Variants in TPO observed in about 807,000 individuals in gnomAD.
TPO encodes the protein thyroid microsomal antigen.
Under a neutral mutation model 96.9 loss-of-function variants are expected in TPO, and 78 were observed. The observed-to-expected ratio is 0.81, with a 90% CI of 0.67 to 0.97. The LOEUF (loss-of-function observed/expected upper bound fraction) is 0.97, where lower values mean the gene tolerates loss of function less well. TPO is among the 50% of genes least tolerant of loss of function. The pLI is 0.00. For missense variants in TPO, 1,252 were observed against 1,274.8 expected (o/e 0.98, Z 0.27); for synonymous variants, 547 against 538.0 (o/e 1.02, Z -0.23).
intron 7 of TPO, 34 bp from the exon 8 acceptor site, chr2:1,477,052 C>G: frequency 6.3e-7 from 1 of 1,590,712 alleles, no homozygotes; most frequent in Non-Finnish European, 8.5e-7. Flanking sequence ...TGCACGGGGG[C>G]CCTGGGTGAC....
intron 1 of TPO, among the ~76,000 whole-genome samples, chr2:1,387,272 G>A (rs2148352264): frequency 6.6e-6 from 1 of 152,142 alleles, no homozygotes; most frequent in Non-Finnish European, 1.5e-5. Context: ...TGCTAGGTTG[G>A]GGATGTTCTC....
At position 1,424,604 on chromosome 2, in the gene TPO, G is replaced by A. The variant is rs563292899; in HGVS notation, c.179+1475G>A. Reference sequence around the variant, plus strand: ...ATGCATTAGAGTGAGGGAAGACCAGGAGAGGCATCAACTGGGGAGACTATT... The same window carrying A: ...ATGCATTAGAGTGAGGGAAGACCAGAAGAGGCATCAACTGGGGAGACTATT... On this transcript the variant is annotated intron_variant, in intron 3 of 16. Coordinates refer to ENST00000329066, the MANE Select transcript of TPO (RefSeq NM_001206744.2). Among the ~76,000 whole-genome samples the A allele has an allele frequency of 2.0e-5, 3 of 152,318 alleles. No individual in the cohort carries two copies. In the South Asian group the frequency reaches 6.2e-4, roughly 32 times the overall value.
At chr2:1,511,603 G>A (rs1440251515) in intron 14 of TPO, among the ~76,000 whole-genome samples, 2 of 152,310 alleles carry the variant, frequency 1.3e-5, no homozygotes, top group East Asian at 1.9e-4. Context: ...GGGAGGGCAC[G>A]GTTGGCTCCC....
chr2:1,456,597 C>T (rs11694817), intron 7 of TPO, among the ~76,000 whole-genome samples: 4 of 28,398 alleles, frequency 1.4e-4, no homozygotes, highest in East Asian at 2.2e-3. Context: ...ATATAGCATG[C>T]ATGATAGTGT....
intron 15 of TPO, among the ~76,000 whole-genome samples, chr2:1,520,776 A>G (rs1170671470): frequency 6.6e-6 from 1 of 152,154 alleles, no homozygotes; most frequent in African/African-American, 2.4e-5. Flanking sequence ...CATTCCTCAA[A>G]TCAGTTCTTT....
chr2:1,442,941 T>C (rs913358196), intron 5 of TPO, among the ~76,000 whole-genome samples: 1 of 152,186 alleles, frequency 6.6e-6, no homozygotes, highest in African/African-American at 2.4e-5. Context: ...CTTTGAAAAA[T>C]TGCATTATTT....
intron 9 of TPO, 60 bp from the exon 10 acceptor site, chr2:1,487,760 AT>A (rs1671311866): frequency 6.2e-7 from 1 of 1,601,178 alleles, no homozygotes; most frequent in African/African-American, 1.3e-5. Context: ...AAATTGAGAT[AT>A]TGTTGTTTCT....
chr2:1,541,347 T>C (rs1213812741), intron 16 of TPO: 1 of 291,450 alleles, frequency 3.4e-6, no homozygotes, highest in African/African-American at 2.3e-5. Flanking sequence ...TGTTTCAAAA[T>C]TGCTAAAACA....
At chr2:1,374,712 T>C (rs376939378) in intron 1 of TPO, among the ~76,000 whole-genome samples, 40 of 146,610 alleles carry the variant, frequency 2.7e-4, no homozygotes, top group African/African-American at 9.8e-4. Flanking sequence ...AGAAATCTTT[T>C]CTTTCTTTCT....
Position 1,414,421 on chromosome 2 carries a change from G to A in TPO, c.13G>A (p.Ala5Thr), listed in dbSNP as rs369441749. Residue 5 changes from alanine to threonine, a missense_variant, in exon 2 of 17, where the codon GCT (alanine) becomes ACT (threonine). By Grantham distance (58) the Ala-to-Thr change is moderately conservative. Coordinates refer to ENST00000329066, the MANE Select transcript of TPO (RefSeq NM_001206744.2). MRAL[A>T]VLSVTLVMAC... ...CGTTAATTTTAGAATGAGAGCGCTC[G>A]CTGTGCTGTCTGTCACGCTGGTTAT... The A allele has an allele frequency of 1.7e-5, 27 of 1,613,708 alleles. No individual in the cohort carries two copies. The highest frequency in any genetic ancestry group is 2.1e-5 in the Non-Finnish European group (25 of 1,179,934).
intron 9 of TPO, among the ~76,000 whole-genome samples, chr2:1,485,913 C>T (rs563532530): frequency 3.9e-5 from 6 of 152,290 alleles, no homozygotes; most frequent in Admixed American, 6.5e-5. Context: ...AATTAGATCT[C>T]ATTTGTCAAT....
intron 1 of TPO, among the ~76,000 whole-genome samples, chr2:1,374,618 T>A (rs1256595146): frequency 1.3e-5 from 2 of 152,216 alleles, no homozygotes; most frequent in Admixed American, 6.5e-5. Flanking sequence ...CTGACAAAAT[T>A]TGAAACCATT....
chr2:1,486,397 G>C (rs1011093619), intron 9 of TPO, among the ~76,000 whole-genome samples: 1 of 152,024 alleles, frequency 6.6e-6, no homozygotes, highest in African/African-American at 2.4e-5. Context: ...CATTAGCCGT[G>C]TGTGGTGGCA....
At chr2:1,512,371 C>T (rs1005816816) in intron 14 of TPO, 3 of 984,954 alleles carry the variant, frequency 3.0e-6, no homozygotes, top group Non-Finnish European at 2.4e-6. Context: ...TGCCTGGACA[C>T]TGTCCATCTG....
At chr2:1,503,334 GAGA>G (rs372997932) in intron 13 of TPO, among the ~76,000 whole-genome samples, 1 of 152,346 alleles carries the variant, frequency 6.6e-6, no homozygotes, top group East Asian at 1.9e-4. Flanking sequence ...TGGGCATGTA[GAGA>G]AGACCTGTGA....
chr2:1,542,462 G>T lies in TPO; in HGVS notation c.2790G>T (p.Pro930=). The part of the protein sequence containing the change: ...GMEGRDTHRL[P]RAL ...AAGGCCGGGATACTCACAGGCTGCC[G>T]AGAGCCCTCTGAGGGCAAAGTGGCA... The change falls in exon 17 of 17, where the codon CCG becomes CCT. Residue 930 remains proline, a synonymous_variant. Transcript: ENST00000329066. The T allele has an allele frequency of 1.9e-6, 3 of 1,614,156 alleles. No individual in the cohort carries two copies. The highest frequency in any genetic ancestry group is 2.5e-6 in the Non-Finnish European group (3 of 1,180,032).
intron 14 of TPO, among the ~76,000 whole-genome samples, chr2:1,509,388 C>T (rs192128495): frequency 1.1e-4 from 17 of 151,900 alleles, no homozygotes; most frequent in Non-Finnish European, 2.2e-4. Context: ...CTTTCAGGGA[C>T]AGCACAGCCT....
chr2:1,449,431 A>G (rs1667128450), intron 5 of TPO, among the ~76,000 whole-genome samples: 1 of 152,130 alleles, frequency 6.6e-6, no homozygotes, highest in Non-Finnish European at 1.5e-5. Context: ...TCATGAAATT[A>G]TCCAGCAGGG....
Position 1,465,115 on chromosome 2 carries a change from A to G in TPO, c.819+8833A>G, listed in dbSNP as rs180861710. On this transcript the variant is annotated intron_variant, in intron 7 of 16. Coordinates refer to ENST00000329066, the MANE Select transcript of TPO (RefSeq NM_001206744.2). The stretch of plus-strand genomic sequence containing the variant: ...AGGATCTAGTTTCATTCTCCTACAC[A>G]TGGCTTGCCAATTATCGCAGCATCA... Among the ~76,000 whole-genome samples, 106 of 152,216 alleles carry G rather than the reference A, an allele frequency of 7.0e-4. No individual in the cohort carries two copies. The Middle Eastern group carries it at 0.014, about 20-fold the overall frequency.
Sources: allele counts gnomAD v4.1 joint callset (sites outside exome capture counted in the v4.1 genomes callset), GRCh38; gene constraint gnomAD v4.1.1; transcripts MANE v1.5; gene names NCBI Gene and HGNC (gene_info 2026-07-23, HGNC 2026-07-21).